MRPS18A: variants seen among roughly 807,000 people sequenced by gnomAD.
MRPS18A encodes mitochondrial ribosomal protein S18A.
A neutral mutation model predicts 22.7 loss-of-function variants in MRPS18A; 20 were observed. The ratio of observed to expected loss-of-function variants is 0.88; its 90% CI spans 0.62 to 1.28. The LOEUF (loss-of-function observed/expected upper bound fraction) is 1.28, where lower values mean the gene tolerates loss of function less well. Among genes scored for constraint, MRPS18A ranks in the 50% most tolerant of loss-of-function variants. The probability of loss-of-function intolerance (pLI) is 0.00; values close to 1 mark genes in which losing one functional copy is unlikely to be tolerated. For missense variants in MRPS18A, 294 were observed against 262.6 expected (o/e 1.12, Z -0.83); for synonymous variants, 106 against 99.1 (o/e 1.07, Z -0.41).
rs1404178574 is a variant in MRPS18A, at chr6:43,687,738, A to G, written c.42T>C (p.Leu14=). ...LKALVSGCGR[L]LRGLLAGPAA... ...CCGGGCCCGCTAGTAGCCCACGGAG[A>G]AGCCGCCCACAGCCGGACACCAGAG... Residue 14 remains leucine (L), a synonymous_variant, in exon 1 of 6, where the codon CTT becomes CTC. Transcript: ENST00000372133. 1 of 1,587,448 alleles carries G rather than the reference A, an allele frequency of 6.3e-7. No homozygotes were observed.
At chr6:43,681,238 A>G (rs1774394588) in intron 1 of MRPS18A, 118 bp from the exon 2 acceptor site, 4 of 1,020,644 alleles carry the variant, frequency 3.9e-6, no homozygotes, top group Non-Finnish European at 5.9e-6. Context: ...GTACTCTCTC[A>G]TGGTCTCCAC....
chr6:43,683,009 C>T (rs917711248), intron 1 of MRPS18A, among the ~76,000 whole-genome samples: 1 of 152,178 alleles, frequency 6.6e-6, no homozygotes, highest in African/African-American at 2.4e-5. Flanking sequence ...AAGAACAATG[C>T]CTTGAAACAC....
intron 3 of MRPS18A, among the ~76,000 whole-genome samples, chr6:43,678,237 G>T (rs1774169993): frequency 6.6e-6 from 1 of 152,182 alleles, no homozygotes; most frequent in East Asian, 1.9e-4. Context: ...ACCGAAGATG[G>T]TGATGGGTCT....
chr6:43,681,510 G>A (rs1022198010), intron 1 of MRPS18A, among the ~76,000 whole-genome samples: 19 of 152,224 alleles, frequency 1.2e-4, no homozygotes, highest in African/African-American at 3.6e-4. Context: ...GTACGCAGGC[G>A]GTGTGTGTTC....
intron 2 of MRPS18A, among the ~76,000 whole-genome samples, chr6:43,680,497 G>A (rs976476174): frequency 2.0e-5 from 3 of 152,204 alleles, no homozygotes; most frequent in Non-Finnish European, 4.4e-5. Flanking sequence ...GTCTTTTAAG[G>A]ATTATAGGAT....
At chr6:43,674,495 G>C (rs536774472) in intron 5 of MRPS18A, among the ~76,000 whole-genome samples, 1 of 152,140 alleles carries the variant, frequency 6.6e-6, no homozygotes, top group Admixed American at 6.5e-5. Flanking sequence ...TCTCAACAAG[G>C]GGATACTAGA....
Position 43,678,534 on chromosome 6 carries a change from T to C in MRPS18A, c.236A>G (p.His79Arg). 1.9e-6 allele frequency: 3 copies of C among 1,612,102 alleles called. No individual in the cohort carries two copies. Among genetic ancestry groups the C allele is most frequent in the Non-Finnish European group, 2.5e-6 (3 of 1,178,226 alleles). The change falls in exon 3 of 6, where the codon CAC becomes CGC. Residue 79 changes from histidine (H) to arginine (R), a missense_variant. Physicochemically the swap from His to Arg is conservative, Grantham distance 29. Coordinates refer to ENST00000372133, the MANE Select transcript of MRPS18A (RefSeq NM_018135.4). ...CAGACTCACGTCATAGTTATACTTG[T>C]GCTTCAGGTTCCAACGGCAGATGGG... ...QCPICRWNLK[H>R]KYNYDDVLLL...
At chr6:43,676,791 T>G (rs1037993472) in intron 3 of MRPS18A, among the ~76,000 whole-genome samples, 1 of 152,236 alleles carries the variant, frequency 6.6e-6, no homozygotes, top group African/African-American at 2.4e-5. Flanking sequence ...GGCAGGCGCC[T>G]TGCTGCATAA....
intron 1 of MRPS18A, among the ~76,000 whole-genome samples, chr6:43,681,784 C>T (rs1334600): frequency 0.19 from 29,389 of 152,126 alleles, 6,621 homozygotes; most frequent in African/African-American, 0.55. Context: ...ATTTCAAGTA[C>T]TGCCATTCCA....
At chr6:43,676,620 C>T (rs1020594917) in intron 3 of MRPS18A, among the ~76,000 whole-genome samples, 4 of 152,356 alleles carry the variant, frequency 2.6e-5, no homozygotes, top group African/African-American at 9.6e-5. Flanking sequence ...CATTCCCAGA[C>T]TGCTTGAGCC....
At chr6:43,679,254 C>T (rs1381094432) in intron 2 of MRPS18A, among the ~76,000 whole-genome samples, 1 of 152,148 alleles carries the variant, frequency 6.6e-6, no homozygotes, top group Non-Finnish European at 1.5e-5. Context: ...ATGTTCTAAC[C>T]ATCCTCCACT....
chr6:43,685,740 T>C lies in MRPS18A; in HGVS notation c.112+1928A>G, dbSNP rs527567151. Among the ~76,000 whole-genome samples, 582 of 152,322 alleles carry C rather than the reference T, an allele frequency of 3.8e-3. 10 individuals are homozygous for C. The highest frequency in any genetic ancestry group is 3.1e-3 in the Non-Finnish European group (208 of 68,032). The stretch of plus-strand genomic sequence containing the variant: ...TTCTATGTGTACAATATTGTTTGGG[T>C]GTCACATATACCAGCTGAGACTAGT... On this transcript the variant is annotated intron_variant, in intron 1 of 5. Coordinates refer to ENST00000372133, the MANE Select transcript of MRPS18A (RefSeq NM_018135.4).
At chr6:43,678,728 A>G in intron 2 of MRPS18A, 103 bp from the exon 3 acceptor site, 1 of 807,778 alleles carries the variant, frequency 1.2e-6, no homozygotes, top group Admixed American at 2.2e-5. Flanking sequence ...GTGAAAGTTT[A>G]CCTTGGGGGT....
intron 2 of MRPS18A, among the ~76,000 whole-genome samples, chr6:43,679,590 AG>A (rs1437987319): frequency 6.6e-6 from 1 of 152,114 alleles, no homozygotes; most frequent in Non-Finnish European, 1.5e-5. Context: ...CAATTGCAAG[AG>A]GGGAGTTTAG....
In MRPS18A at chr6:43,673,280, C is replaced by A. The variant is rs1390113615; in HGVS notation, c.447-1374G>T. Among the ~76,000 whole-genome samples the A allele has an allele frequency of 5.3e-5, 8 of 152,036 alleles. No individual in the cohort carries two copies. The highest frequency in any genetic ancestry group is 4.4e-5 in the Non-Finnish European group (3 of 68,002). ...TGGGATTACAGGTGTGAGGGGACTG[C>A]TTTTTCTATGGTCGGTGGTTCTAGG... On this transcript the variant is annotated intron_variant, in intron 5 of 5. Transcript: ENST00000372133. The surrounding 1 kb of genome is among the most constrained non-coding windows in gnomAD (Gnocchi z 4.2).
chr6:43,681,224 A>G, intron 1 of MRPS18A, 104 bp from the exon 2 acceptor site: 1 of 1,163,784 alleles, frequency 8.6e-7, no homozygotes, highest in South Asian at 1.4e-5. Flanking sequence ...GCAGCCTTCC[A>G]TCTGTACTCT....
intron 5 of MRPS18A, among the ~76,000 whole-genome samples, chr6:43,672,865 T>C (rs1773818254): frequency 1.3e-5 from 2 of 152,028 alleles, no homozygotes; most frequent in South Asian, 2.1e-4. Flanking sequence ...GCTGCGGGAG[T>C]TGCTGGCCTG....
At chr6:43,679,804 A>G (rs1774285290) in intron 2 of MRPS18A, among the ~76,000 whole-genome samples, 1 of 152,160 alleles carries the variant, frequency 6.6e-6, no homozygotes, top group African/African-American at 2.4e-5. Flanking sequence ...GATGTTAGAG[A>G]AAATTCGCAA....
intron 5 of MRPS18A, chr6:43,672,545 C>T: frequency 2.4e-6 from 1 of 422,854 alleles, no homozygotes; most frequent in South Asian, 1.7e-5. Flanking sequence ...AAAAGTGGCT[C>T]ATGCCGGCTA....
Sources: allele counts gnomAD v4.1 joint callset (sites outside exome capture counted in the v4.1 genomes callset), GRCh38; gene constraint gnomAD v4.1.1; non-coding constraint Gnocchi (gnomAD v3.1); transcripts MANE v1.5; gene names NCBI Gene and HGNC (gene_info 2026-07-23, HGNC 2026-07-21).